Variants in SYNPR observed in about 807,000 individuals in gnomAD.
The protein encoded by SYNPR is synaptoporin.
SYNPR carries 23 observed loss-of-function variants against 32.9 expected under a neutral mutation model. The observed-to-expected ratio is 0.70, with a 90% CI of 0.50 to 0.99. SYNPR has a LOEUF of 0.99. Among genes scored for constraint, SYNPR ranks in the 50% least tolerant of loss-of-function variants. SYNPR has a pLI of 0.00. For synonymous variants in SYNPR, 146 were observed against 135.9 expected (o/e 1.07, Z -0.52); for missense variants, 318 against 349.3 (o/e 0.91, Z 0.71).
At chr3:63,486,389 G>C (rs1020924252) in intron 3 of SYNPR, among the ~76,000 whole-genome samples, 9 of 152,262 alleles carry the variant, frequency 5.9e-5, no homozygotes, top group Admixed American at 3.9e-4. Flanking sequence ...ATAACACTAA[G>C]TCATGTATTA....
intron 3 of SYNPR, among the ~76,000 whole-genome samples, chr3:63,533,217 A>C (rs1702141230): frequency 6.6e-6 from 1 of 152,164 alleles, no homozygotes; most frequent in African/African-American, 2.4e-5. Flanking sequence ...TGAAGAACTG[A>C]AGGATGGAAA....
intron 3 of SYNPR, among the ~76,000 whole-genome samples, chr3:63,553,941 G>A (rs574691746): frequency 2.0e-5 from 3 of 152,064 alleles, no homozygotes; most frequent in East Asian, 1.9e-4. Context: ...GGCTGGTCTC[G>A]ATCTCCCAAC....
chr3:63,377,185 A>C (rs927547805), intron 2 of SYNPR, among the ~76,000 whole-genome samples: 6 of 152,184 alleles, frequency 3.9e-5, no homozygotes, highest in Non-Finnish European at 8.8e-5. Flanking sequence ...TTAAACGTTC[A>C]AGAAAGAGCA....
intron 2 of SYNPR, among the ~76,000 whole-genome samples, chr3:63,467,751 T>C (rs1398292974): frequency 1.3e-5 from 2 of 152,242 alleles, no homozygotes; most frequent in African/African-American, 4.8e-5. Flanking sequence ...AATTTTTCAA[T>C]ATCAACGCTG....
intron 4 of SYNPR, among the ~76,000 whole-genome samples, chr3:63,561,200 A>G (rs762329744): frequency 3.9e-5 from 6 of 152,164 alleles, no homozygotes; most frequent in Admixed American, 6.5e-5. Context: ...ATCCTGCACA[A>G]ATAAAGTTAA....
In SYNPR at chr3:63,410,436, T is replaced by C. The variant is rs192258002; in HGVS notation, c.85-70396T>C. Among the ~76,000 whole-genome samples, 324 of 152,288 alleles carry C rather than the reference T, an allele frequency of 2.1e-3. 1 individual carries two copies. The highest frequency in any genetic ancestry group is 2.1e-3 in the Non-Finnish European group (143 of 68,024). On this transcript the variant is annotated intron_variant, in intron 2 of 5. Transcript: ENST00000478300. The stretch of plus-strand genomic sequence containing the variant: ...CTGGGTCTGCTCTATGTCAGGCAGA[T>C]AGCAGGCTAATTTCCTAATGCACTA...
intron 4 of SYNPR, among the ~76,000 whole-genome samples, chr3:63,585,342 T>C (rs1703164997): frequency 6.6e-6 from 1 of 152,084 alleles, no homozygotes; most frequent in African/African-American, 2.4e-5. Flanking sequence ...TCACTTTCTT[T>C]GGGAGGGATT....
intron 2 of SYNPR, among the ~76,000 whole-genome samples, chr3:63,455,012 G>C (rs1454260551): frequency 6.6e-6 from 1 of 152,062 alleles, no homozygotes; most frequent in African/African-American, 2.4e-5. Flanking sequence ...AGAATGGAAA[G>C]TTTAAACATT....
At chr3:63,265,492 T>C (rs893011545) in intron 2 of SYNPR, among the ~76,000 whole-genome samples, 84 of 152,286 alleles carry the variant, frequency 5.5e-4, no homozygotes, top group Non-Finnish European at 1.0e-4. Flanking sequence ...CCTCAAGTGA[T>C]CCACCTGCCT....
intron 3 of SYNPR, among the ~76,000 whole-genome samples, chr3:63,487,751 C>T (rs1038626756): frequency 6.6e-6 from 1 of 152,242 alleles, no homozygotes; most frequent in Admixed American, 6.5e-5. Context: ...ATGAAAGCTC[C>T]CCCTCAAAGT....
chr3:63,583,612 G>C (rs1262134096), intron 4 of SYNPR, among the ~76,000 whole-genome samples: 1 of 152,002 alleles, frequency 6.6e-6, no homozygotes, highest in Non-Finnish European at 1.5e-5. Context: ...TTTTGAGCTT[G>C]GAACTGCCCT....
At chr3:63,232,275 C>T (rs181473557) in intron 1 of SYNPR, among the ~76,000 whole-genome samples, 1 of 132,236 alleles carries the variant, frequency 7.6e-6, no homozygotes, top group East Asian at 2.6e-4. Context: ...GATCTTGGCT[C>T]ACTGCAACCT....
chr3:63,468,603 T>A (rs536446274), intron 2 of SYNPR, among the ~76,000 whole-genome samples: 2 of 152,106 alleles, frequency 1.3e-5, no homozygotes, highest in East Asian at 3.9e-4. Flanking sequence ...GAGTTTGAGA[T>A]CAGCCTGGCT....
chr3:63,244,116 A>G (rs2106883181), intron 1 of SYNPR, among the ~76,000 whole-genome samples: 1 of 152,204 alleles, frequency 6.6e-6, no homozygotes, highest in African/African-American at 2.4e-5. Flanking sequence ...CAACCTAGGA[A>G]TGGAGTGAGA....
intron 3 of SYNPR, among the ~76,000 whole-genome samples, chr3:63,547,427 G>A (rs1341428751): frequency 3.3e-5 from 5 of 152,042 alleles, no homozygotes; most frequent in Non-Finnish European, 7.4e-5. Flanking sequence ...CTAAACCTGA[G>A]ACTCTGGGAA....
intron 2 of SYNPR, among the ~76,000 whole-genome samples, chr3:63,346,940 C>T (rs1423485846): frequency 6.6e-6 from 1 of 152,116 alleles, no homozygotes; most frequent in Non-Finnish European, 1.5e-5. Context: ...AAGATTATTT[C>T]CTTTTATTTA....
chr3:63,349,128 A>T (rs1216156904), intron 2 of SYNPR, among the ~76,000 whole-genome samples: 1 of 150,938 alleles, frequency 6.6e-6, no homozygotes, highest in Non-Finnish European at 1.5e-5. Flanking sequence ...TTTGAGATGG[A>T]GTCTCTCTCT....
intron 3 of SYNPR, among the ~76,000 whole-genome samples, chr3:63,505,849 G>A (rs1701576681): frequency 6.6e-6 from 1 of 152,070 alleles, no homozygotes; most frequent in Non-Finnish European, 1.5e-5. Flanking sequence ...CTAACAGCTA[G>A]ATGAGTTCAA....
chr3:63,276,219 A>G (rs550199569), upstream of SYNPR, among the ~76,000 whole-genome samples: 1 of 152,320 alleles, frequency 6.6e-6, no homozygotes, highest in South Asian at 2.1e-4. Flanking sequence ...CATTACCAAT[A>G]AAATGCCCAC....
Sources: gnomAD v4.1 joint callset for allele counts (sites outside exome capture counted in the v4.1 genomes callset) on GRCh38, gnomAD v4.1.1 for gene constraint, MANE v1.5 for transcripts, NCBI Gene and HGNC (gene_info 2026-07-23, HGNC 2026-07-21) for gene names.